NARF: variants seen among roughly 807,000 people sequenced by gnomAD.
NARF encodes the protein iron-only hydrogenase-like protein 2.
In NARF, 41 loss-of-function variants were observed where a neutral mutation model predicts 48.0. That is an observed-to-expected ratio of 0.85 (90% confidence interval 0.66 to 1.11). The LOEUF is 1.11. NARF is among the 50% of genes least tolerant of loss of function. The probability of loss-of-function intolerance (pLI) is 0.00; values close to 1 mark genes in which losing one functional copy is unlikely to be tolerated. For missense variants in NARF, 613 were observed against 590.2 expected (o/e 1.04, Z -0.40); for synonymous variants, 215 against 225.5 (o/e 0.95, Z 0.42).
intron 3 of NARF, 95 bp from the exon 4 acceptor site, chr17:82,468,669 T>A: frequency 8.6e-7 from 1 of 1,168,624 alleles, no homozygotes; most frequent in Non-Finnish European, 1.2e-6. Context: ...GCATAGACCA[T>A]CTATTAACGT....
At chr17:82,485,681 T>G in intron 10 of NARF, 27 bp downstream of exon 10, 1 of 1,612,424 alleles carries the variant, frequency 6.2e-7, no homozygotes, top group Non-Finnish European at 8.5e-7. Flanking sequence ...AGCACCTGGC[T>G]CTGTCTCCCA....
At position 82,468,797 on chromosome 17, in the gene NARF, G is replaced by A; in HGVS notation, c.286G>A (p.Val96Met). 1.2e-6 allele frequency: 2 copies of A among 1,614,104 alleles called. No individual in the cohort carries two copies. Among genetic ancestry groups the A allele is most frequent in the Non-Finnish European group, 1.7e-6 (2 of 1,179,966 alleles). Residue 96 changes from valine to methionine, a missense_variant, in exon 4 of 11, where the codon GTG becomes ATG. Physicochemically the swap from Val to Met is conservative, Grantham distance 21 (BLOSUM62 1). Transcript: ENST00000309794. ...TACCTCAAAGCACAAAGTGCTGGTA[G>A]TGTCTGTGTGTCCTCAATCTTTGCC... Reference protein sequence around the residue: ...CDTSKHKVLVVSVCPQSLPYF... With the variant: ...CDTSKHKVLVMSVCPQSLPYF...
Position 82,468,741 on chromosome 17 carries a change from ACATTCTC to A in NARF, c.253-22_253-16del. On this transcript the variant is annotated splice_polypyrimidine_tract_variant and intron_variant, in intron 3 of 10. Transcript: ENST00000309794. ...TCCTTGTGTAATCAGCAGATACCTA[ACATTCTC>A]TATTTCTCCTTCTAGAAATGTGATA... 6.2e-7 allele frequency: 1 copy of A among 1,612,372 alleles called. No individual in the cohort carries two copies. Among genetic ancestry groups the A allele is most frequent in the Non-Finnish European group, 8.5e-7 (1 of 1,179,114 alleles).
chr17:82,487,984 A>G lies in NARF; in HGVS notation c.1198A>G (p.Met400Val), dbSNP rs2044134468. ...TGCGGATAAGGCCCTGCTGCGGCAG[A>G]TGGAAGGCATTTACGCTGACATCCC... ...GHADKALLRQ[M>V]EGIYADIPVR... The change falls in exon 11 of 11, where the codon ATG (methionine) becomes GTG (valine). Residue 400 changes from methionine to valine, a missense_variant. Physicochemically the swap from Met to Val is conservative, Grantham distance 21 (BLOSUM62 1). Coordinates refer to ENST00000309794, the MANE Select transcript of NARF (RefSeq NM_012336.4). The G allele has an allele frequency of 6.2e-7, 1 of 1,614,224 alleles. No individual in the cohort carries two copies. The highest frequency in any genetic ancestry group is 8.5e-7 in the Non-Finnish European group (1 of 1,180,042).
At chr17:82,469,803 A>C (rs2043656176) in intron 4 of NARF, among the ~76,000 whole-genome samples, 1 of 152,066 alleles carries the variant, frequency 6.6e-6, no homozygotes, top group Non-Finnish European at 1.5e-5. Flanking sequence ...ATGATGTTTC[A>C]CCATGTTGGC....
chr17:82,472,373 A>T (rs1349607783), intron 4 of NARF, among the ~76,000 whole-genome samples, 191 bp from the exon 5 acceptor site: 1 of 151,762 alleles, frequency 6.6e-6, no homozygotes, highest in Non-Finnish European at 1.5e-5. Context: ...AATCCCAGTT[A>T]CTCGGGAGAC....
At chr17:82,473,421 G>A (rs1254481304) in intron 5 of NARF, among the ~76,000 whole-genome samples, 1 of 150,398 alleles carries the variant, frequency 6.6e-6, no homozygotes, top group Non-Finnish European at 1.5e-5. Context: ...TTGTTGTTGA[G>A]ACAGAGTCTC....
chr17:82,480,997 CTCCCA>C, intron 6 of NARF, 80 bp from the exon 7 acceptor site: 1 of 1,544,284 alleles, frequency 6.5e-7, no homozygotes, highest in African/African-American at 1.4e-5. Flanking sequence ...GGCATTCGGT[CTCCCA>C]TCCCTCTTGT....
At chr17:82,477,048 A>G (rs2043848879) in intron 5 of NARF, 1 of 152,036 alleles carries the variant, frequency 6.6e-6, no homozygotes. Flanking sequence ...TTTTTTAAGC[A>G]GGATCTTACT....
chr17:82,479,059 A>C, intron 6 of NARF, 141 bp downstream of exon 6: 1 of 664,612 alleles, frequency 1.5e-6, no homozygotes. Context: ...GCTTCAGGAA[A>C]CATCAGCAGT....
chr17:82,478,062 G>A (rs1221788441), intron 5 of NARF: 1 of 155,554 alleles, frequency 6.4e-6, no homozygotes, highest in Non-Finnish European at 1.4e-5. Context: ...AGTGTCTGTG[G>A]GGTCAGGTCC....
Position 82,484,966 on chromosome 17 carries a change from C to T in NARF, c.971+16C>T, listed in dbSNP as rs747040793. 1 of 1,587,790 alleles carries T rather than the reference C, an allele frequency of 6.3e-7. No homozygotes were observed. Among genetic ancestry groups the T allele is most frequent in the South Asian group, 1.2e-5 (1 of 86,836 alleles). On this transcript the variant is annotated intron_variant, in intron 9 of 10. Transcript: ENST00000309794. ...GAGCCCTGAGGTGTGGGGCAGTATC[C>T]ACAGCCTGTCTGTGCCTGTGGTTAG...
chr17:82,467,086 G>A lies in NARF; in HGVS notation c.253-1678G>A, dbSNP rs139169197. Among the ~76,000 whole-genome samples the A allele has an allele frequency of 3.4e-3, 508 of 151,360 alleles. 2 individuals carry two copies. Among genetic ancestry groups the A allele is most frequent in the African/African-American group, 0.012 (481 of 41,160 alleles). On this transcript the variant is annotated intron_variant, in intron 3 of 10. Coordinates refer to ENST00000309794, the MANE Select transcript of NARF (RefSeq NM_012336.4). ...TTTTGAGATGGAGTCTCACTCTGTC[G>A]CCCAGGCTTGAGTGCAGTGGCACGA...
intron 7 of NARF, 97 bp from the exon 8 acceptor site, chr17:82,483,619 G>T (rs1335280823): frequency 6.4e-6 from 7 of 1,086,864 alleles, no homozygotes; most frequent in Non-Finnish European, 5.6e-6. Flanking sequence ...ATAAGAGGGA[G>T]GTCACCCAGG....
chr17:82,482,196 G>A, intron 7 of NARF: 2 of 394,444 alleles, frequency 5.1e-6, no homozygotes, highest in Non-Finnish European at 4.9e-6. Context: ...AGAGAGGTCA[G>A]CTCTCAGGGA....
At chr17:82,461,610 C>G (rs1188776517) in intron 2 of NARF, among the ~76,000 whole-genome samples, 2 of 151,984 alleles carry the variant, frequency 1.3e-5, no homozygotes, top group Non-Finnish European at 2.9e-5. Flanking sequence ...GACTCCGTCT[C>G]AAAAAAAAGA....
At position 82,488,358 on chromosome 17, in the gene NARF, G is replaced by A. The variant is rs951746678; in HGVS notation, c.*201G>A. The A allele has an allele frequency of 2.7e-6, 2 of 737,708 alleles. No individual in the cohort carries two copies. Among genetic ancestry groups the A allele is most frequent in the African/African-American group, 3.6e-5 (2 of 56,082 alleles). 45.7% of individuals were successfully genotyped at this position (737,708 alleles called of 1,614,324 possible). A position where few individuals can be genotyped will look rare whatever the true frequency, so the allele number is the denominator to read the frequency against. On this transcript the variant is annotated 3_prime_UTR_variant, in exon 11 of 11. Coordinates refer to ENST00000309794, the MANE Select transcript of NARF (RefSeq NM_012336.4). ...ATGTGGTGCTATCTTCATAATAGGT[G>A]TGGGATTGGAACTTTTTTTTTCTTT...
At position 82,484,867 on chromosome 17, in the gene NARF, C is replaced by G; in HGVS notation, c.888C>G (p.Asp296Glu). 2.5e-6 allele frequency: 4 copies of G among 1,612,834 alleles called. No individual in the cohort carries two copies. The highest frequency in any genetic ancestry group is 2.2e-5 in the East Asian group (1 of 44,760). The change falls in exon 9 of 11, where the codon GAC (aspartate) becomes GAG (glutamate). Residue 296 changes from aspartate to glutamate, a missense_variant. By Grantham distance (45) the Asp-to-Glu change is conservative (BLOSUM62 2). Transcript: ENST00000309794. ...CGCGTCATGATGGAGCCAGCTCAGA[C>G]GGGCACCTGGCACACATCTTCAGAC... The part of the protein sequence containing the change: ...KVTRHDGASS[D>E]GHLAHIFRHA...
At chr17:82,462,380 G>A (rs1182722658) in intron 2 of NARF, among the ~76,000 whole-genome samples, 1 of 152,188 alleles carries the variant, frequency 6.6e-6, no homozygotes, top group Admixed American at 6.5e-5. Context: ...GTGAGGGGGT[G>A]ACTCAGGTGT....
Sources: allele counts gnomAD v4.1 joint callset (sites outside exome capture counted in the v4.1 genomes callset), GRCh38; gene constraint gnomAD v4.1.1; transcripts MANE v1.5; gene names NCBI Gene and HGNC (gene_info 2026-07-23, HGNC 2026-07-21).